GPR158: variants seen among roughly 807,000 people sequenced by gnomAD.
The protein encoded by GPR158 is metabotropic glycine receptor.
Under a neutral mutation model 78.2 loss-of-function variants are expected in GPR158, and 30 were observed. The ratio of observed to expected loss-of-function variants is 0.38; its 90% confidence interval spans 0.29 to 0.52. GPR158 has a LOEUF of 0.52. Among genes scored for constraint, GPR158 ranks in the 20% least tolerant of loss-of-function variants. The pLI is 0.83. For missense variants in GPR158, 1,463 were observed against 1,523.5 expected, an observed-to-expected ratio of 0.96 and a Z score of 0.66; for synonymous variants, 581 against 591.1, an observed-to-expected ratio of 0.98 and a Z score of 0.25.
chr10:25,438,700 A>G (rs978399606), intron 4 of GPR158, among the ~76,000 whole-genome samples: 16 of 152,214 alleles, frequency 1.1e-4, no homozygotes, highest in Admixed American at 9.2e-4. Flanking sequence ...AGCGTATTTT[A>G]TGACTTTAGT....
rs545070391 is a variant in GPR158 at position 25,441,171 on chromosome 10, T to C, written c.1336-25480T>C. On this transcript the variant is annotated intron_variant, in intron 4 of 10. Coordinates refer to ENST00000376351, the MANE Select transcript of GPR158 (RefSeq NM_020752.3). The stretch of plus-strand genomic sequence containing the variant: ...TCTGTTTTTGAGCTTCAGGACTCTC[T>C]TTATCCATAGAATTTTCTCTTCCTA... Among the ~76,000 whole-genome samples the C allele has an allele frequency of 9.2e-5, 14 of 152,304 alleles. No individual in the cohort carries two copies. In the South Asian group the frequency reaches 2.7e-3, roughly 29 times the overall value.
intron 5 of GPR158, among the ~76,000 whole-genome samples, chr10:25,490,795 T>C (rs1588885475): frequency 6.6e-6 from 1 of 151,496 alleles, no homozygotes; most frequent in South Asian, 2.1e-4. Context: ...TATAGTCCTT[T>C]GGGTATATAC....
intron 7 of GPR158, among the ~76,000 whole-genome samples, chr10:25,575,018 G>A (rs1250995431): frequency 6.8e-6 from 1 of 147,386 alleles, no homozygotes; most frequent in Non-Finnish European, 1.5e-5. Flanking sequence ...AGTGAGCTGA[G>A]ATCACACCAC....
chr10:25,496,903 A>G (rs750337852), intron 5 of GPR158, among the ~76,000 whole-genome samples: 1 of 152,214 alleles, frequency 6.6e-6, no homozygotes, highest in South Asian at 2.1e-4. Context: ...TCAGTTGCCA[A>G]ATGGATAGTA....
At chr10:25,490,733 A>G (rs1423759607) in intron 5 of GPR158, among the ~76,000 whole-genome samples, 1 of 147,568 alleles carries the variant, frequency 6.8e-6, no homozygotes, top group Admixed American at 6.9e-5. Context: ...TGCTATTGTG[A>G]ATAATGCCGC....
chr10:25,240,764 TC>T (rs1853593049), intron 2 of GPR158, among the ~76,000 whole-genome samples: 2 of 152,226 alleles, frequency 1.3e-5, no homozygotes, highest in African/African-American at 4.8e-5. Context: ...GAATTTAGTA[TC>T]AATAATTGAT....
intron 4 of GPR158, among the ~76,000 whole-genome samples, chr10:25,423,340 A>T (rs1056453177): frequency 6.6e-6 from 1 of 151,526 alleles, no homozygotes; most frequent in Non-Finnish European, 1.5e-5. Flanking sequence ...TCTTCTGGGT[A>T]GATACCTGAT....
At chr10:25,509,037 C>T (rs1336699689) in intron 5 of GPR158, among the ~76,000 whole-genome samples, 1 of 152,178 alleles carries the variant, frequency 6.6e-6, no homozygotes, top group Non-Finnish European at 1.5e-5. Flanking sequence ...AGCTTTGGCA[C>T]TATTGCCATT....
At chr10:25,369,698 G>A (rs1227700453) in intron 2 of GPR158, among the ~76,000 whole-genome samples, 2 of 151,722 alleles carry the variant, frequency 1.3e-5, no homozygotes, top group Non-Finnish European at 3.0e-5. Flanking sequence ...GAGTTAGGGA[G>A]GATTCCCTCT....
At chr10:25,495,383 C>G (rs1254253209) in intron 5 of GPR158, among the ~76,000 whole-genome samples, 1 of 141,038 alleles carries the variant, frequency 7.1e-6, no homozygotes, top group Admixed American at 7.8e-5. Flanking sequence ...AGCTCCGCCT[C>G]CCAGGTTCAC....
chr10:25,244,712 A>G (rs1429679070), intron 2 of GPR158: 2 of 152,084 alleles, frequency 1.3e-5, no homozygotes. Flanking sequence ...GACTTGGGCT[A>G]CTCTTGACCC....
At chr10:25,269,270 A>G (rs1222471533) in intron 2 of GPR158, among the ~76,000 whole-genome samples, 3 of 152,230 alleles carry the variant, frequency 2.0e-5, no homozygotes, top group Non-Finnish European at 4.4e-5. Context: ...CTTATTTTCA[A>G]AATACCCAAG....
intron 2 of GPR158, among the ~76,000 whole-genome samples, chr10:25,280,593 G>A (rs936516822): frequency 2.6e-5 from 4 of 152,122 alleles, no homozygotes; most frequent in Admixed American, 1.3e-4. Context: ...AGTTAAGAAC[G>A]TTGACTTAAT....
intron 6 of GPR158, among the ~76,000 whole-genome samples, chr10:25,569,889 A>G (rs11014613): frequency 0.3 from 45,209 of 152,164 alleles, 12,350 homozygotes; most frequent in African/African-American, 0.71. Flanking sequence ...TACCTTCCAC[A>G]TTGCCTAGCA....
chr10:25,184,464 G>A (rs1020815391), intron 1 of GPR158, among the ~76,000 whole-genome samples: 1 of 152,188 alleles, frequency 6.6e-6, no homozygotes, highest in African/African-American at 2.4e-5. Context: ...ATATAAATTA[G>A]ATTGTTATTT....
chr10:25,291,190 TA>T (rs1854431181), intron 2 of GPR158, among the ~76,000 whole-genome samples: 1 of 151,814 alleles, frequency 6.6e-6, no homozygotes, highest in Admixed American at 6.6e-5. Flanking sequence ...TAACATTAAT[TA>T]AAACCAATAG....
chr10:25,286,281 T>C (rs1485188240), intron 2 of GPR158, among the ~76,000 whole-genome samples: 1 of 152,112 alleles, frequency 6.6e-6, no homozygotes, highest in Non-Finnish European at 1.5e-5. Flanking sequence ...TCCCACTCTG[T>C]TTTTCTCTTG....
chr10:25,539,024 C>G (rs1836539277), intron 5 of GPR158, among the ~76,000 whole-genome samples: 1 of 152,168 alleles, frequency 6.6e-6, no homozygotes, highest in South Asian at 2.1e-4. Flanking sequence ...GGCACCTGGA[C>G]TTTCCATTGT....
intron 1 of GPR158, among the ~76,000 whole-genome samples, chr10:25,212,459 A>G (rs1176583223): frequency 6.6e-6 from 1 of 152,170 alleles, no homozygotes; most frequent in East Asian, 1.9e-4. Context: ...CCCACCTCCA[A>G]CATTGGGGAT....
Sources: allele counts gnomAD v4.1 joint callset (sites outside exome capture counted in the v4.1 genomes callset), GRCh38; gene constraint gnomAD v4.1.1; transcripts MANE v1.5; gene names NCBI Gene and HGNC (gene_info 2026-07-23, HGNC 2026-07-21).